The following DACH2 variants were observed in gnomAD, a reference collection of about 807,000 sequenced individuals.
DACH2 encodes dachshund family transcription factor 2.
Under a neutral mutation model 35.8 loss-of-function variants are expected in DACH2, and 17 were observed. That is an observed-to-expected ratio of 0.48 (90% CI 0.33 to 0.71). The LOEUF (loss-of-function observed/expected upper bound fraction) is 0.71, where lower values mean the gene tolerates loss of function less well. Among genes scored for constraint, DACH2 ranks in the 30% least tolerant of loss-of-function variants. The pLI, the probability that DACH2 is intolerant of heterozygous loss-of-function variation, is 0.02. For missense variants in DACH2, 469 were observed against 472.7 expected (o/e 0.99, Z 0.07); for synonymous variants, 195 against 177.3 (o/e 1.10, Z -0.79).
At chrX:86,286,075 A>G (rs1014446975) in intron 1 of DACH2, among the ~76,000 whole-genome samples, 1 of 109,054 alleles carries the variant, frequency 9.2e-6, no homozygotes, top group Non-Finnish European at 1.9e-5. Flanking sequence ...TGTAGGCAAC[A>G]AATCAATGGT....
intron 3 of DACH2, among the ~76,000 whole-genome samples, chrX:86,628,750 T>C (rs994533442): frequency 3.6e-5 from 4 of 111,331 alleles, no homozygotes; most frequent in Admixed American, 9.6e-5. Flanking sequence ...TTCTGAAGAG[T>C]GGAGAATTGA....
chrX:86,499,991 T>C (rs2038227562), intron 2 of DACH2, among the ~76,000 whole-genome samples: 1 of 111,077 alleles, frequency 9.0e-6, no homozygotes, highest in Non-Finnish European at 1.9e-5. Flanking sequence ...AAGTTGGGAG[T>C]TGATGCACAC....
chrX:86,425,196 T>G (rs1201974294), intron 2 of DACH2, among the ~76,000 whole-genome samples: 1 of 111,075 alleles, frequency 9.0e-6, no homozygotes, highest in Non-Finnish European at 1.9e-5. Flanking sequence ...TCTCATAGAA[T>G]GAGTTTGGAA....
intron 1 of DACH2, among the ~76,000 whole-genome samples, chrX:86,250,312 T>C (rs1203296808): frequency 9.0e-6 from 1 of 111,707 alleles, no homozygotes; most frequent in Non-Finnish European, 1.9e-5. Context: ...TTATCAAAGG[T>C]AAACCATTAA....
In DACH2 at chrX:86,417,955, G is replaced by A. The variant is rs540895667; in HGVS notation, c.527+41093G>A. Among the ~76,000 whole-genome samples, 8 of 111,906 alleles carry A rather than the reference G, an allele frequency of 7.1e-5. No homozygotes were observed. In the East Asian group the frequency reaches 2.0e-3, roughly 28 times the overall value. ...GGGGGTAAAGGCATGGGTAAATACAGCCATTCCAAATGGGAGAAATTGGCC... is the reference window on the plus strand; with the variant it reads ...GGGGGTAAAGGCATGGGTAAATACAACCATTCCAAATGGGAGAAATTGGCC... On this transcript the variant is annotated intron_variant, in intron 2 of 11. Coordinates refer to ENST00000373125, the MANE Select transcript of DACH2 (RefSeq NM_053281.3).
chrX:86,612,511 T>G (rs2039958374), intron 3 of DACH2, among the ~76,000 whole-genome samples: 1 of 111,648 alleles, frequency 9.0e-6, no homozygotes, highest in African/African-American at 3.3e-5. Context: ...CTTACCAATG[T>G]CAATTTTTGA....
intron 4 of DACH2, among the ~76,000 whole-genome samples, chrX:86,654,207 A>AC (rs1414297455): frequency 2.8e-5 from 3 of 106,345 alleles, no homozygotes; most frequent in Non-Finnish European, 5.8e-5. Context: ...AAAAAAAAAA[A>AC]AAAAAAACGC....
intron 3 of DACH2, among the ~76,000 whole-genome samples, chrX:86,578,156 T>C (rs758626885): frequency 1.8e-5 from 2 of 110,691 alleles, no homozygotes; most frequent in Non-Finnish European, 3.8e-5. Flanking sequence ...GCCCTCAATC[T>C]GTGGGATCTA....
In DACH2 at chrX:86,812,908, G is replaced by A; in HGVS notation, c.1293G>A (p.Gln431=). ...TGAAGTCACCCTTGGACAAGATACA[G>A]CTGACTCCTGGGCAGGCATTGCCCG... ...PIMKSPLDKI[Q]LTPGQALPAG... The change falls in exon 8 of 12, where the codon CAG becomes CAA. Residue 431 remains glutamine, a synonymous_variant. Coordinates refer to ENST00000373125, the MANE Select transcript of DACH2 (RefSeq NM_053281.3). 8.3e-7 allele frequency: 1 copy of A among 1,207,984 alleles called. No individual in the cohort carries two copies. Among genetic ancestry groups the A allele is most frequent in the South Asian group, 1.8e-5 (1 of 56,637 alleles).
At chrX:86,430,567 A>G (rs188978504) in intron 2 of DACH2, among the ~76,000 whole-genome samples, 225 of 112,280 alleles carry the variant, frequency 2.0e-3, no homozygotes, top group African/African-American at 7.0e-3. Context: ...AAATCTGGCA[A>G]TTCTCCTGTG....
chrX:86,654,088 G>A (rs1199424115), intron 4 of DACH2, among the ~76,000 whole-genome samples: 3 of 106,058 alleles, frequency 2.8e-5, no homozygotes, highest in African/African-American at 6.9e-5. Context: ...TGGCCTGCAC[G>A]GCAGTGGTCT....
At chrX:86,294,038 C>T (rs1314616729) in intron 1 of DACH2, among the ~76,000 whole-genome samples, 1 of 111,857 alleles carries the variant, frequency 8.9e-6, no homozygotes, top group Non-Finnish European at 1.9e-5. Context: ...TGGTTCCATT[C>T]TCCCCGTCAC....
intron 7 of DACH2, among the ~76,000 whole-genome samples, chrX:86,759,723 C>G (rs1233683648): frequency 9.0e-6 from 1 of 111,227 alleles, no homozygotes; most frequent in African/African-American, 3.3e-5. Flanking sequence ...TTATTTTTCT[C>G]TTACAGATAT....
chrX:86,634,903 T>G (rs1390151277), intron 3 of DACH2, among the ~76,000 whole-genome samples: 1 of 110,979 alleles, frequency 9.0e-6, no homozygotes, highest in Non-Finnish European at 1.9e-5. Context: ...TATCAAAATA[T>G]CAAAGTCTCA....
intron 1 of DACH2, among the ~76,000 whole-genome samples, chrX:86,174,014 C>T (rs1044322743): frequency 1.8e-5 from 2 of 110,429 alleles, no homozygotes; most frequent in African/African-American, 6.6e-5. Context: ...ACGAACAACT[C>T]CAGGAATTTG....
At chrX:86,650,217 G>A (rs895255520) in intron 3 of DACH2, among the ~76,000 whole-genome samples, 31 of 109,036 alleles carry the variant, frequency 2.8e-4, no homozygotes, top group African/African-American at 1.0e-3. Flanking sequence ...TATGCTGAGA[G>A]CTTTATTTTA....
At position 86,722,536 on chromosome X, in the gene DACH2, A is replaced by AT. The variant is rs1187078188; in HGVS notation, c.1104+7822dup. 3.8e-5 allele frequency among the ~76,000 whole-genome samples: 4 copies of AT among 105,743 alleles called. No individual in the cohort carries two copies. In the East Asian group the frequency reaches 1.2e-3, roughly 31 times the overall value. 91.8% of individuals were successfully genotyped at this position (105,743 alleles called of 115,157 possible). A position where few individuals can be genotyped will look rare whatever the true frequency, so the allele number is the denominator to read the frequency against. ...GCTAATGTGTTTTTTTTTTTATTTT[A>AT]TTTTTTGTAGAGGTAGTTGTCTTAC... On this transcript the variant is annotated intron_variant, in intron 6 of 11. Transcript: ENST00000373125.
intron 6 of DACH2, among the ~76,000 whole-genome samples, chrX:86,738,355 T>G (rs1402946128): frequency 1.8e-5 from 2 of 111,596 alleles, no homozygotes; most frequent in Admixed American, 1.9e-4. Flanking sequence ...AAACGAACAG[T>G]TTTTTAGGGG....
At chrX:86,176,347 G>A (rs1235738701) in intron 1 of DACH2, among the ~76,000 whole-genome samples, 2 of 110,787 alleles carry the variant, frequency 1.8e-5, no homozygotes, top group East Asian at 5.7e-4. Flanking sequence ...TAAGAATATG[G>A]AAGAGTTGCA....
Sources: gnomAD v4.1 joint callset for allele counts (sites outside exome capture counted in the v4.1 genomes callset) on GRCh38, gnomAD v4.1.1 for gene constraint, MANE v1.5 for transcripts, NCBI Gene and HGNC (gene_info 2026-07-23, HGNC 2026-07-21) for gene names.